Variants in ROBO2 observed in about 807,000 individuals in gnomAD.
ROBO2 encodes roundabout homolog 2.
ROBO2 carries 53 observed loss-of-function variants against 160.8 expected under a neutral mutation model. The observed-to-expected ratio is 0.33, with a 90% CI of 0.26 to 0.41. The LOEUF (loss-of-function observed/expected upper bound fraction) is 0.41. Ranked by LOEUF, ROBO2 falls within the 10% of genes least tolerant of loss-of-function variation. The pLI is 1.00. For missense variants in ROBO2, 1,577 were observed against 1,722.4 expected (o/e 0.92, Z 1.49); for synonymous variants, 664 against 611.7 (o/e 1.09, Z -1.26).
At chr3:76,248,183 C>CATGCGA (rs1275116612) in intron 2 of ROBO2, among the ~76,000 whole-genome samples, 11 of 151,926 alleles carry the variant, frequency 7.2e-5, no homozygotes, top group Non-Finnish European at 1.6e-4. Flanking sequence ...TATAAAGACA[C>CATGCGA]ATGCGCACGT....
intron 2 of ROBO2, among the ~76,000 whole-genome samples, chr3:76,022,739 G>A (rs2066610161): frequency 6.6e-6 from 1 of 151,642 alleles, no homozygotes; most frequent in Admixed American, 6.6e-5. Flanking sequence ...AGTAGATTTA[G>A]CATAATTTTT....
At chr3:76,783,139 A>G (rs1340133756) in intron 2 of ROBO2, among the ~76,000 whole-genome samples, 6 of 150,980 alleles carry the variant, frequency 4.0e-5, no homozygotes, top group African/African-American at 1.2e-4. Context: ...TTTTTGTTAC[A>G]TATAAAAACT....
intron 2 of ROBO2, among the ~76,000 whole-genome samples, chr3:76,778,787 C>G (rs1193689481): frequency 1.3e-5 from 2 of 151,080 alleles, no homozygotes; most frequent in Non-Finnish European, 3.0e-5. Flanking sequence ...CAATTCCCAT[C>G]ACCATTAGCA....
At chr3:76,335,185 T>TG (rs1322232010) in intron 2 of ROBO2, among the ~76,000 whole-genome samples, 6 of 140,276 alleles carry the variant, frequency 4.3e-5, no homozygotes, top group Non-Finnish European at 9.3e-5. Context: ...TTTGTTTTTT[T>TG]TTTTTTTTTT....
At chr3:76,757,692 G>A (rs375584061) in intron 2 of ROBO2, among the ~76,000 whole-genome samples, 26 of 151,742 alleles carry the variant, frequency 1.7e-4, no homozygotes, top group African/African-American at 6.0e-4. Flanking sequence ...CTGAAACAGT[G>A]GGGGAGGGAA....
chr3:77,452,412 A>G (rs1045102663), intron 2 of ROBO2, among the ~76,000 whole-genome samples: 2 of 152,182 alleles, frequency 1.3e-5, no homozygotes, highest in African/African-American at 2.4e-5. Flanking sequence ...TTAAAATCAG[A>G]TAAACTAACC....
chr3:77,091,788 G>A (rs560224199), intron 1 of ROBO2, among the ~76,000 whole-genome samples: 1 of 151,950 alleles, frequency 6.6e-6, no homozygotes, highest in Admixed American at 6.6e-5. Flanking sequence ...AGACCATCCT[G>A]GCCAATATGA....
chr3:77,289,430 C>G (rs556227893), intron 2 of ROBO2, among the ~76,000 whole-genome samples: 1 of 150,926 alleles, frequency 6.6e-6, no homozygotes, highest in East Asian at 2.0e-4. Flanking sequence ...GGCTAGATCA[C>G]CCCAGAAATT....
intron 2 of ROBO2, among the ~76,000 whole-genome samples, chr3:76,285,964 A>C (rs895071733): frequency 1.3e-5 from 2 of 152,174 alleles, no homozygotes; most frequent in Admixed American, 6.6e-5. Context: ...AGGACTCAAA[A>C]ATTATTCAAG....
intron 2 of ROBO2, among the ~76,000 whole-genome samples, chr3:76,905,384 G>T (rs1489214043): frequency 1.3e-5 from 2 of 152,162 alleles, no homozygotes; most frequent in Non-Finnish European, 2.9e-5. Context: ...GGAGACTCGT[G>T]TAGAGTTAAA....
intron 2 of ROBO2, among the ~76,000 whole-genome samples, chr3:77,113,741 A>G (rs1477951110): frequency 3.3e-5 from 5 of 152,224 alleles, no homozygotes; most frequent in African/African-American, 1.2e-4. Flanking sequence ...TCCTCACCCT[A>G]TGCATAAGAA....
chr3:77,612,205 A>G (rs547520923), intron 21 of ROBO2, among the ~76,000 whole-genome samples: 137 of 152,356 alleles, frequency 9.0e-4, no homozygotes, highest in South Asian at 6.2e-3. Context: ...GCATTTTCAC[A>G]GTCTTTTTCA....
chr3:77,197,355 T>C (rs1199524286), intron 2 of ROBO2, among the ~76,000 whole-genome samples: 1 of 152,230 alleles, frequency 6.6e-6, no homozygotes, highest in Non-Finnish European at 1.5e-5. Context: ...TCGCAATGAA[T>C]ATTCAGTCTG....
At chr3:76,959,948 A>G (rs2079531782) in intron 2 of ROBO2, among the ~76,000 whole-genome samples, 1 of 150,408 alleles carries the variant, frequency 6.6e-6, no homozygotes, top group African/African-American at 2.5e-5. Flanking sequence ...TAATTTATCC[A>G]TCTTTTTTTT....
chr3:75,956,049 C>T (rs914546026), intron 2 of ROBO2, among the ~76,000 whole-genome samples: 1 of 151,770 alleles, frequency 6.6e-6, no homozygotes, highest in Non-Finnish European at 1.5e-5. Context: ...CTCACATATT[C>T]AGTGCTTTAC....
At chr3:77,445,799 T>TTTTG (rs1278649744) in intron 2 of ROBO2, among the ~76,000 whole-genome samples, 3 of 145,484 alleles carry the variant, frequency 2.1e-5, no homozygotes, top group African/African-American at 7.4e-5. Context: ...TTTTTGTTTT[T>TTTTG]TTTTTTTTTT....
At position 76,815,075 on chromosome 3, in the gene ROBO2, G is replaced by A. The variant is rs1416066407; in HGVS notation, c.110-282939G>A. 2.7e-4 allele frequency among the ~76,000 whole-genome samples: 41 copies of A among 151,970 alleles called. 1 individual carries two copies. Among genetic ancestry groups the A allele is most frequent in the Admixed American group, 2.7e-3 (41 of 15,234 alleles). On this transcript the variant is annotated intron_variant, in intron 2 of 26. Coordinates refer to the ROBO2 transcript ENST00000487694. The stretch of plus-strand genomic sequence containing the variant: ...GTTGTGAGCAGAAAATTAAAAAAGG[G>A]CTACATGTTACATTCTACCCATTTA...
intron 2 of ROBO2, among the ~76,000 whole-genome samples, chr3:77,431,709 A>G (rs1233508193): frequency 2.0e-5 from 3 of 152,134 alleles, no homozygotes; most frequent in African/African-American, 4.8e-5. Flanking sequence ...TTGGCTCCCT[A>G]AAAGAGCTAG....
At chr3:76,570,376 A>G (rs1432576210) in intron 2 of ROBO2, among the ~76,000 whole-genome samples, 2 of 152,232 alleles carry the variant, frequency 1.3e-5, no homozygotes, top group African/African-American at 2.4e-5. Flanking sequence ...GAAATAACTT[A>G]GTCTAGACAC....
Sources: gnomAD v4.1 joint callset for allele counts (sites outside exome capture counted in the v4.1 genomes callset) on GRCh38, gnomAD v4.1.1 for gene constraint, MANE v1.5 for transcripts, NCBI Gene and HGNC (gene_info 2026-07-23, HGNC 2026-07-21) for gene names.